The following TRIO variants were observed in gnomAD, a reference collection of about 807,000 sequenced individuals.
The protein encoded by TRIO is trio Rho guanine nucleotide exchange factor, also known as triple functional domain protein.
TRIO carries 58 observed loss-of-function variants against 351.9 expected under a neutral mutation model. That is an observed-to-expected ratio of 0.16 (90% CI 0.13 to 0.21). The LOEUF (loss-of-function observed/expected upper bound fraction) is 0.21, where lower values mean the gene tolerates loss of function less well. Among genes scored for constraint, TRIO ranks in the 10% least tolerant of loss-of-function variants. The pLI is 1.00. For synonymous variants in TRIO, 1,758 were observed against 1,595.7 expected, an observed-to-expected ratio of 1.10 and a Z score of -2.42; for missense variants, 3,201 against 4,027.8, an observed-to-expected ratio of 0.79 and a Z score of 5.56.
chr5:14,372,920 A>G (rs992440468), intron 18 of TRIO, among the ~76,000 whole-genome samples: 6 of 152,176 alleles, frequency 3.9e-5, no homozygotes, highest in African/African-American at 1.4e-4. Flanking sequence ...GGTAATTTAT[A>G]AAAGAAAGAG....
rs1209660216 is a variant in TRIO, at chr5:14,481,525, C to T, written c.6388-16C>T. 6.8e-6 allele frequency: 11 copies of T among 1,613,810 alleles called. No homozygotes were observed. The highest frequency in any genetic ancestry group is 9.3e-6 in the Non-Finnish European group (11 of 1,179,894). ...GAGGAACTTGAGCTTTCACTCTTCTCTCTCCCCTCCCACAGAGAGCTGTGG... is the reference window on the plus strand; with the variant it reads ...GAGGAACTTGAGCTTTCACTCTTCTTTCTCCCCTCCCACAGAGAGCTGTGG... On this transcript the variant is annotated splice_polypyrimidine_tract_variant and intron_variant, in intron 44 of 56. Coordinates refer to ENST00000344204, the MANE Select transcript of TRIO (RefSeq NM_007118.4).
At chr5:14,266,322 C>T (rs751748294) in intron 1 of TRIO, among the ~76,000 whole-genome samples, 2 of 152,200 alleles carry the variant, frequency 1.3e-5, no homozygotes, top group South Asian at 2.1e-4. Context: ...TCGGCCTCCC[C>T]CTTCATCCAT....
intron 1 of TRIO, among the ~76,000 whole-genome samples, chr5:14,263,045 CTG>C (rs1190257666): frequency 6.6e-6 from 1 of 152,180 alleles, no homozygotes; most frequent in Non-Finnish European, 1.5e-5. Context: ...GGAGTGCTCT[CTG>C]TTTTCCAGTG....
At chr5:14,181,551 GGAGCGTTTCTGGGGGGCGTAGTCTGT>G (rs1485906986) in intron 1 of TRIO, among the ~76,000 whole-genome samples, 127 of 152,318 alleles carry the variant, frequency 8.3e-4, no homozygotes, top group African/African-American at 3.0e-3. Context: ...GAGTGGATGT[GGAGCGTTTCTGGGGGGCGTAGTCTGT>G]GAGATGGCAC....
chr5:14,493,836 A>C (rs1049239552), intron 49 of TRIO, among the ~76,000 whole-genome samples: 2 of 152,246 alleles, frequency 1.3e-5, no homozygotes, highest in African/African-American at 4.8e-5. Flanking sequence ...TAAACACACA[A>C]ATAGTAAGAA....
intron 1 of TRIO, among the ~76,000 whole-genome samples, chr5:14,262,870 G>A (rs1795436097): frequency 6.6e-6 from 1 of 152,134 alleles, no homozygotes; most frequent in Non-Finnish European, 1.5e-5. Flanking sequence ...CTATAGGCAT[G>A]TGGGTGCCTC....
rs1202012387 is a variant in TRIO at position 14,471,314 on chromosome 5, C to T, written c.5764-4C>T. 6.2e-7 allele frequency: 1 copy of T among 1,613,228 alleles called. No individual in the cohort carries two copies. On this transcript the variant is annotated splice_polypyrimidine_tract_variant and splice_region_variant and intron_variant, in intron 37 of 56. Transcript: ENST00000344204. Reference sequence around the variant, plus strand: ...GTGTTGTTGATTATGTCAATTTCTTCCAGGCACTGGAGGATCGCCCCAGCT... The same window carrying T: ...GTGTTGTTGATTATGTCAATTTCTTTCAGGCACTGGAGGATCGCCCCAGCT...
Position 14,492,571 on chromosome 5 carries a change from A to G in TRIO, c.7637A>G (p.Glu2546Gly). The G allele has an allele frequency of 6.2e-7, 1 of 1,614,124 alleles. No individual in the cohort carries two copies. Among genetic ancestry groups the G allele is most frequent in the South Asian group, 1.1e-5 (1 of 91,080 alleles). The change falls in exon 49 of 57, where the codon GAA becomes GGA. Residue 2546 changes from glutamate (E) to glycine (G), a missense_variant. Physicochemically the swap from Glu to Gly is moderately conservative, Grantham distance 98. Coordinates refer to ENST00000344204, the MANE Select transcript of TRIO (RefSeq NM_007118.4). ...TCTTCATCTGTCCCTCTGCAGAGTG[A>G]AAGCAGCAGCAGTAGCAACATCTCC... ...SVQSTQSNGS[E>G]SSSSSNISTM...
At position 14,472,674 on chromosome 5, in the gene TRIO, AATT is replaced by A. The variant is rs755077079; in HGVS notation, c.5979+17_5979+19del. On this transcript the variant is annotated intron_variant, in intron 39 of 56. Transcript: ENST00000344204. Reference sequence around the variant, plus strand: ...TGTGGTTGAGGTGTGTATTGCCAGAAATTTAGTATCTTCGTATCAGTTCCAAGA... The same window carrying A: ...TGTGGTTGAGGTGTGTATTGCCAGAATAGTATCTTCGTATCAGTTCCAAGA... The A allele has an allele frequency of 6.2e-7, 1 of 1,613,086 alleles. No homozygotes were observed. Among genetic ancestry groups the A allele is most frequent in the Non-Finnish European group, 8.5e-7 (1 of 1,179,328 alleles).
intron 1 of TRIO, among the ~76,000 whole-genome samples, chr5:14,218,647 C>A (rs184702451): frequency 2.4e-4 from 37 of 152,340 alleles, no homozygotes; most frequent in Non-Finnish European, 4.3e-4. Context: ...GGCCCCTCCC[C>A]ACAGAGCTGT....
intron 11 of TRIO, among the ~76,000 whole-genome samples, chr5:14,351,539 A>G (rs73749083): frequency 0.023 from 3,464 of 152,266 alleles, 138 homozygotes; most frequent in African/African-American, 0.08. Context: ...ACAGATACCA[A>G]TGGCAACAGC....
rs148564401 is a variant in TRIO at position 14,498,524 on chromosome 5, T to C, written c.8216T>C (p.Leu2739Pro). 579 of 1,614,012 alleles carry C rather than the reference T, an allele frequency of 3.6e-4. 1 individual carries two copies. In the African/African-American group the frequency reaches 6.7e-3, roughly 19 times the overall value. Residue 2739 changes from leucine (L) to proline (P), a missense_variant, in exon 53 of 57, where the codon CTG becomes CCG. Transcript: ENST00000344204. Reference sequence around the variant, plus strand: ...TGTTCCCATCTGTGCCGCAGTGACCTGGGAGAGGCCACGCTGAAGATTGTG... The same window carrying C: ...TGTTCCCATCTGTGCCGCAGTGACCCGGGAGAGGCCACGCTGAAGATTGTG... ...DGHYSISYSD[L>P]GEATLKIVGV... is the part of the protein sequence containing the mutation.
intron 17 of TRIO, 45 bp downstream of exon 17, chr5:14,368,944 T>C: frequency 2.5e-6 from 4 of 1,573,376 alleles, no homozygotes; most frequent in Non-Finnish European, 3.5e-6. Flanking sequence ...GATACTTTAT[T>C]TTGAGCTTAA....
At chr5:14,299,546 A>C (rs1338929533) in intron 7 of TRIO, among the ~76,000 whole-genome samples, 1 of 152,204 alleles carries the variant, frequency 6.6e-6, no homozygotes, top group Non-Finnish European at 1.5e-5. Context: ...CCCCTCACTG[A>C]AGAAAAGTAA....
chr5:14,262,594 A>G (rs905634908), intron 1 of TRIO, among the ~76,000 whole-genome samples: 1 of 152,148 alleles, frequency 6.6e-6, no homozygotes, highest in Non-Finnish European at 1.5e-5. Flanking sequence ...AAGAACATCT[A>G]TTAGGAGATC....
At chr5:14,299,388 C>T (rs998791657) in intron 7 of TRIO, among the ~76,000 whole-genome samples, 1 of 152,126 alleles carries the variant, frequency 6.6e-6, no homozygotes, top group African/African-American at 2.4e-5. Context: ...GGGACAGTAG[C>T]CTAATGAAGA....
chr5:14,308,133 C>T (rs1738537102), intron 8 of TRIO, among the ~76,000 whole-genome samples: 1 of 152,164 alleles, frequency 6.6e-6, no homozygotes, highest in African/African-American at 2.4e-5. Flanking sequence ...TTTTAAAGAC[C>T]TGGGTTCTCA....
intron 1 of TRIO, among the ~76,000 whole-genome samples, chr5:14,220,030 T>TC (rs1491363176): frequency 6.6e-6 from 1 of 150,418 alleles, no homozygotes; most frequent in Non-Finnish European, 1.5e-5. Context: ...GGTTTTTTTT[T>TC]CTTCTTCCTC....
intron 3 of TRIO, among the ~76,000 whole-genome samples, chr5:14,285,129 G>A (rs981312067): frequency 1.3e-5 from 2 of 152,208 alleles, no homozygotes; most frequent in Admixed American, 6.5e-5. Flanking sequence ...GTTTCTGCCC[G>A]TGATGTTACC....
Sources: allele counts gnomAD v4.1 joint callset (sites outside exome capture counted in the v4.1 genomes callset), GRCh38; gene constraint gnomAD v4.1.1; transcripts MANE v1.5; gene names NCBI Gene and HGNC (gene_info 2026-07-23, HGNC 2026-07-21).